OXR1: variants seen among roughly 807,000 people sequenced by gnomAD.
OXR1 encodes the protein oxidation resistance protein 1.
Under a neutral mutation model 104.6 loss-of-function variants are expected in OXR1, and 41 were observed. That is an observed-to-expected ratio of 0.39 (90% CI 0.31 to 0.51). The LOEUF (loss-of-function observed/expected upper bound fraction) is 0.51. Ranked by LOEUF, OXR1 falls within the 20% of genes least tolerant of loss-of-function variation. The pLI, the probability that OXR1 is intolerant of heterozygous loss-of-function variation, is 0.77. For synonymous variants in OXR1, 348 were observed against 348.4 expected, an observed-to-expected ratio of 1.00 and a Z score of 0.01; for missense variants, 955 against 1,031.9, an observed-to-expected ratio of 0.93 and a Z score of 1.02.
intron 16 of OXR1, among the ~76,000 whole-genome samples, chr8:106,750,294 A>G (rs1835767836): frequency 6.6e-6 from 1 of 151,000 alleles, no homozygotes; most frequent in Non-Finnish European, 1.5e-5. Flanking sequence ...GGTCTGTATC[A>G]TAAATAATTT....
intron 2 of OXR1, among the ~76,000 whole-genome samples, chr8:106,413,494 T>A (rs1818544903): frequency 6.6e-6 from 1 of 152,132 alleles, no homozygotes. Flanking sequence ...GCTAAACATT[T>A]GTTAAGATGA....
chr8:106,390,607 C>G (rs1030362528), intron 2 of OXR1, among the ~76,000 whole-genome samples: 1 of 152,106 alleles, frequency 6.6e-6, no homozygotes, highest in African/African-American at 2.4e-5. Context: ...TGCAGGTGTT[C>G]ATAAGTATTG....
intron 3 of OXR1, among the ~76,000 whole-genome samples, chr8:106,669,574 A>G (rs1400393456): frequency 1.3e-5 from 2 of 152,080 alleles, no homozygotes; most frequent in Non-Finnish European, 2.9e-5. Context: ...TTTTTAGTTT[A>G]GAAGATACTT....
intron 2 of OXR1, among the ~76,000 whole-genome samples, chr8:106,396,041 TA>T (rs1361902343): frequency 5.3e-5 from 8 of 152,010 alleles, no homozygotes; most frequent in Admixed American, 5.2e-4. Flanking sequence ...ACCCAAAGCA[TA>T]AAACAAATGT....
chr8:106,448,921 A>G (rs1820156020), intron 2 of OXR1, among the ~76,000 whole-genome samples: 1 of 152,298 alleles, frequency 6.6e-6, no homozygotes, highest in Admixed American at 6.5e-5. Context: ...TCAAGATTAT[A>G]TTATGCTCTT....
At chr8:106,661,394 T>G (rs912341988) in intron 3 of OXR1, among the ~76,000 whole-genome samples, 4 of 152,218 alleles carry the variant, frequency 2.6e-5, no homozygotes, top group African/African-American at 9.7e-5. Flanking sequence ...TTAAGGACAT[T>G]ATCACACCAT....
rs116955899 is a variant in OXR1, at chr8:106,368,761, G to A, written c.23+9125G>A. ...CCTTTTTCTGGCTGCATAGTATTCC[G>A]TGGTGTATATGTACCATGATTTCTT... On this transcript the variant is annotated intron_variant, in intron 2 of 16. Transcript: ENST00000517566. Among the ~76,000 whole-genome samples, 372 of 152,192 alleles carry A rather than the reference G, an allele frequency of 2.4e-3. 9 individuals carry two copies. In the East Asian group the frequency reaches 0.066, roughly 27 times the overall value.
At chr8:106,634,453 C>T (rs1171775768) in intron 3 of OXR1, among the ~76,000 whole-genome samples, 1 of 152,086 alleles carries the variant, frequency 6.6e-6, no homozygotes, top group Non-Finnish European at 1.5e-5. Flanking sequence ...AATGTAGGTA[C>T]TATTATACCC....
At chr8:106,589,079 T>G (rs1818874373) in intron 3 of OXR1, among the ~76,000 whole-genome samples, 1 of 152,052 alleles carries the variant, frequency 6.6e-6, no homozygotes, top group South Asian at 2.1e-4. Context: ...GCTTCACTTT[T>G]GGGGCAGAAA....
chr8:106,426,864 G>A (rs1819142134), intron 2 of OXR1, among the ~76,000 whole-genome samples: 1 of 152,152 alleles, frequency 6.6e-6, no homozygotes, highest in Admixed American at 6.5e-5. Flanking sequence ...TGACTTAGAA[G>A]TATATAAGTG....
intron 2 of OXR1, among the ~76,000 whole-genome samples, chr8:106,381,319 G>A (rs1817140185): frequency 6.6e-6 from 1 of 152,156 alleles, no homozygotes; most frequent in Non-Finnish European, 1.5e-5. Flanking sequence ...CCTCCATTAA[G>A]CTGGAATGCG....
intron 3 of OXR1, among the ~76,000 whole-genome samples, chr8:106,564,347 T>A (rs558564688): frequency 6.3e-4 from 96 of 152,158 alleles, no homozygotes; most frequent in Middle Eastern, 6.8e-3. Flanking sequence ...CAGAGAATAC[T>A]ATAAACACCT....
intron 2 of OXR1, among the ~76,000 whole-genome samples, chr8:106,462,167 G>GA (rs1340052590): frequency 6.6e-6 from 1 of 152,088 alleles, no homozygotes; most frequent in Non-Finnish European, 1.5e-5. Context: ...ATCTGTCCCA[G>GA]AAAATCCTAC....
intron 1 of OXR1, among the ~76,000 whole-genome samples, chr8:106,316,733 T>TATC (rs1304603471): frequency 0.01 from 1,092 of 107,556 alleles, 5 homozygotes; most frequent in African/African-American, 0.016. Context: ...TCTATCTATC[T>TATC]ATCTATCTAT....
Position 106,710,641 on chromosome 8 carries a change from A to G in OXR1, c.1644A>G (p.Glu548=), listed in dbSNP as rs141718925. 5 of 1,588,026 alleles carry G rather than the reference A, an allele frequency of 3.1e-6. No homozygotes were observed. In the African/African-American group the frequency reaches 4.1e-5, roughly 13 times the overall value. ...GHIESSALLK[E]KQRHRLHKFL... is the part of the protein sequence containing the mutation. The stretch of plus-strand genomic sequence containing the variant: ...TTCTAGGTTCTGCACTTTTAAAAGA[A>G]AAGCAAAGGCATCGATTACATAAGT... The change falls in exon 10 of 17, where the codon GAA becomes GAG. Residue 548 remains glutamate, a synonymous_variant. Transcript: ENST00000517566.
chr8:106,311,281 A>C (rs1234576390), intron 1 of OXR1, among the ~76,000 whole-genome samples: 2 of 152,078 alleles, frequency 1.3e-5, no homozygotes, highest in Non-Finnish European at 2.9e-5. Flanking sequence ...ATAGTGTTCT[A>C]AAGTTTTCCT....
chr8:106,366,073 C>T (rs747951383), intron 2 of OXR1, among the ~76,000 whole-genome samples: 2 of 152,104 alleles, frequency 1.3e-5, no homozygotes, highest in African/African-American at 4.8e-5. Context: ...GGTCATAAGT[C>T]ATTAGAAATA....
At chr8:106,577,116 G>C (rs1817894152) in intron 3 of OXR1, among the ~76,000 whole-genome samples, 1 of 151,926 alleles carries the variant, frequency 6.6e-6, no homozygotes, top group South Asian at 2.1e-4. Context: ...TACAGTATTT[G>C]CTCCATGAAA....
chr8:106,418,965 A>C (rs1395526553), intron 2 of OXR1, among the ~76,000 whole-genome samples: 1 of 152,196 alleles, frequency 6.6e-6, no homozygotes, highest in Non-Finnish European at 1.5e-5. Context: ...TTTTAATTTT[A>C]TAAAAATGCT....
Sources: allele counts gnomAD v4.1 joint callset (sites outside exome capture counted in the v4.1 genomes callset), GRCh38; gene constraint gnomAD v4.1.1; transcripts MANE v1.5; gene names NCBI Gene and HGNC (gene_info 2026-07-23, HGNC 2026-07-21).